The following MAP2 variants were observed in gnomAD, a reference collection of about 807,000 sequenced individuals.
MAP2 encodes the protein microtubule associated protein 2, also known as microtubule-associated protein 2.
A neutral mutation model predicts 137.6 loss-of-function variants in MAP2; 14 were observed. The ratio of observed to expected loss-of-function variants is 0.10; its 90% CI spans 0.07 to 0.16. The LOEUF is 0.16. Among genes scored for constraint, MAP2 ranks in the 10% least tolerant of loss-of-function variants. The pLI is 1.00. For synonymous variants in MAP2, 786 were observed against 782.3 expected (o/e 1.00, Z -0.08); for missense variants, 2,088 against 2,191.5 (o/e 0.95, Z 0.94).
At chr2:209,674,567 C>T (rs2050377703) in intron 5 of MAP2, among the ~76,000 whole-genome samples, 1 of 151,578 alleles carries the variant, frequency 6.6e-6, no homozygotes, top group Non-Finnish European at 1.5e-5. Flanking sequence ...GTGAGATTCC[C>T]TCTGATGTGT....
At chr2:209,517,415 C>T (rs2062671749) in intron 2 of MAP2, among the ~76,000 whole-genome samples, 2 of 152,046 alleles carry the variant, frequency 1.3e-5, no homozygotes, top group Admixed American at 6.6e-5. Context: ...TGTGTTTTGT[C>T]ACCACAATGT....
Position 209,730,287 on chromosome 2 carries a change from C to T in MAP2, c.5374C>T (p.Arg1792Ter). The change falls in exon 16 of 16, where the codon CGA becomes TGA. Residue 1792 changes from arginine (R) to a stop codon, truncating the protein, a stop_gained. Transcript: ENST00000682079. LOFTEE classifies it high-confidence loss of function. ...SPGRSSVASP[R>*]RLSNVSSSGS... ...AGGCAGATCCAGCGTGGCATCACCC[C>T]GACGACTCAGCAATGTCTCCTCGTC... 1.9e-6 allele frequency: 3 copies of T among 1,614,052 alleles called. No homozygotes were observed. The highest frequency in any genetic ancestry group is 2.5e-6 in the Non-Finnish European group (3 of 1,179,960).
intron 10 of MAP2, 111 bp from the exon 11 acceptor site, chr2:209,700,166 T>A (rs1489956379): frequency 1.3e-6 from 1 of 766,246 alleles, no homozygotes; most frequent in Non-Finnish European, 2.2e-6. Flanking sequence ...AAGCAAACTT[T>A]TGCTTTGCAT....
intron 13 of MAP2, among the ~76,000 whole-genome samples, chr2:209,724,541 G>A (rs1021145509): frequency 6.6e-6 from 1 of 151,932 alleles, no homozygotes; most frequent in African/African-American, 2.4e-5. Context: ...TAACTCTTTG[G>A]CTACTTGCTT....
At chr2:209,462,983 GCACACA>G (rs145524379) in intron 1 of MAP2, among the ~76,000 whole-genome samples, 10 of 150,122 alleles carry the variant, frequency 6.7e-5, no homozygotes, top group Middle Eastern at 3.4e-3. Context: ...CCAGCATAAT[GCACACA>G]CACACACACG....
chr2:209,648,621 C>CAAAAAAA (rs1228232293), intron 4 of MAP2, among the ~76,000 whole-genome samples: 23 of 51,036 alleles, frequency 4.5e-4, no homozygotes, highest in African/African-American at 1.1e-3. Flanking sequence ...ACTAAAAATA[C>CAAAAAAA]AAAAAAAAAA....
Position 209,492,911 on chromosome 2 carries a change from C to T in MAP2, c.-221-14681C>T, listed in dbSNP as rs547048828. On this transcript the variant is annotated intron_variant, in intron 1 of 15. Coordinates refer to ENST00000682079, the MANE Select transcript of MAP2 (RefSeq NM_001375505.1). ...GCTACTCTCATCAAGCTACCACTGA[C>T]TTTCTTCACAGAATTAGGAAAAAGC... 3.1e-3 allele frequency among the ~76,000 whole-genome samples: 471 copies of T among 152,322 alleles called. 2 individuals carry two copies. Among genetic ancestry groups the T allele is most frequent in the Non-Finnish European group, 5.5e-3 (372 of 68,034 alleles).
intron 1 of MAP2, among the ~76,000 whole-genome samples, chr2:209,477,515 A>G (rs981227951): frequency 6.6e-6 from 1 of 152,128 alleles, no homozygotes; most frequent in African/African-American, 2.4e-5. Flanking sequence ...AATTGTCTTT[A>G]GTGGAGGGCA....
intron 2 of MAP2, among the ~76,000 whole-genome samples, chr2:209,553,769 C>T (rs181289837): frequency 1.5e-3 from 221 of 152,202 alleles, no homozygotes; most frequent in Non-Finnish European, 2.2e-3. Context: ...TTATCATTGC[C>T]TAAATAAATG....
Position 209,439,226 on chromosome 2 carries a change from A to G in MAP2, c.-222+14950A>G, listed in dbSNP as rs527341585. Among the ~76,000 whole-genome samples the G allele has an allele frequency of 2.0e-3, 306 of 151,674 alleles. 2 individuals are homozygous for G. Among genetic ancestry groups the G allele is most frequent in the African/African-American group, 7.0e-3 (291 of 41,474 alleles). ...TGAGTGCTGTTATTTCTGTGTACCC[A>G]CATTGCTGCTCTGTTTTGTCATTTA... On this transcript the variant is annotated intron_variant, in intron 1 of 15. Transcript: ENST00000682079.
At chr2:209,585,926 T>C (rs2077590487) in intron 3 of MAP2, among the ~76,000 whole-genome samples, 1 of 152,166 alleles carries the variant, frequency 6.6e-6, no homozygotes, top group South Asian at 2.1e-4. Flanking sequence ...AAAGGCACTT[T>C]AATTATCACA....
At chr2:209,728,184 A>G (rs2074772161) in intron 14 of MAP2, among the ~76,000 whole-genome samples, 2 of 152,214 alleles carry the variant, frequency 1.3e-5, no homozygotes, top group Non-Finnish European at 2.9e-5. Context: ...ATATTGACAC[A>G]ACATATAATC....
intron 13 of MAP2, among the ~76,000 whole-genome samples, chr2:209,714,243 T>C (rs140064823): frequency 6.6e-5 from 10 of 152,294 alleles, no homozygotes; most frequent in African/African-American, 2.4e-4. Context: ...GCACAAGTTA[T>C]ATGCGCTTGT....
intron 1 of MAP2, among the ~76,000 whole-genome samples, chr2:209,462,477 G>A (rs1703059209): frequency 6.6e-6 from 1 of 152,120 alleles, no homozygotes; most frequent in African/African-American, 2.4e-5. Flanking sequence ...TTATTTATAG[G>A]CAACCTTTTC....
At chr2:209,669,019 A>C (rs977723328) in intron 5 of MAP2, among the ~76,000 whole-genome samples, 1 of 152,096 alleles carries the variant, frequency 6.6e-6, no homozygotes, top group East Asian at 1.9e-4. Context: ...TGACTTTTAA[A>C]GTCTGTCAAG....
chr2:209,504,566 T>C (rs2060800478), intron 1 of MAP2, among the ~76,000 whole-genome samples: 1 of 152,160 alleles, frequency 6.6e-6, no homozygotes, highest in Non-Finnish European at 1.5e-5. Flanking sequence ...TATTCATTGC[T>C]CAGTATGCAT....
At chr2:209,470,015 T>G (rs1286916477) in intron 1 of MAP2, among the ~76,000 whole-genome samples, 1 of 152,224 alleles carries the variant, frequency 6.6e-6, no homozygotes, top group Non-Finnish European at 1.5e-5. Context: ...TGGTTTCTGT[T>G]CTGTAGGTCT....
chr2:209,491,447 A>G (rs2059101029), intron 1 of MAP2, among the ~76,000 whole-genome samples: 1 of 152,228 alleles, frequency 6.6e-6, no homozygotes, highest in East Asian at 1.9e-4. Context: ...AACTAAGATC[A>G]GAGCAGAAAT....
chr2:209,665,539 C>A (rs2045925579), intron 5 of MAP2, among the ~76,000 whole-genome samples: 1 of 152,134 alleles, frequency 6.6e-6, no homozygotes. Context: ...AATCTTAAAG[C>A]ATTTGGATAT....
Sources: allele counts gnomAD v4.1 joint callset (sites outside exome capture counted in the v4.1 genomes callset), GRCh38; gene constraint gnomAD v4.1.1; transcripts MANE v1.5; gene names NCBI Gene and HGNC (gene_info 2026-07-23, HGNC 2026-07-21).